SOX5: variants seen among roughly 807,000 people sequenced by gnomAD.
SOX5 encodes the protein SRY-box transcription factor 5.
Under a neutral mutation model 92.0 loss-of-function variants are expected in SOX5, and 9 were observed. The ratio of observed to expected loss-of-function variants is 0.10; its 90% CI spans 0.06 to 0.17. The LOEUF (loss-of-function observed/expected upper bound fraction) is 0.17. Ranked by LOEUF, SOX5 falls within the 10% of genes least tolerant of loss-of-function variation. The pLI is 1.00. For missense variants in SOX5, 642 were observed against 944.5 expected (o/e 0.68, Z 4.20); for synonymous variants, 344 against 336.3 (o/e 1.02, Z -0.25).
At chr12:23,577,158 C>T (rs1395482818) in intron 9 of SOX5, among the ~76,000 whole-genome samples, 3 of 89,556 alleles carry the variant, frequency 3.3e-5, no homozygotes, top group African/African-American at 1.1e-4. Context: ...TATACACACA[C>T]ACACACACAC....
intron 4 of SOX5, among the ~76,000 whole-genome samples, chr12:24,022,279 AAG>A (rs1278450055): frequency 6.6e-6 from 1 of 152,128 alleles, no homozygotes; most frequent in Non-Finnish European, 1.5e-5. Flanking sequence ...ACTTGATGAA[AAG>A]AGAGACAAAA....
chr12:24,190,161 G>A (rs1956385025), intron 4 of SOX5, among the ~76,000 whole-genome samples: 1 of 152,132 alleles, frequency 6.6e-6, no homozygotes, highest in Non-Finnish European at 1.5e-5. Flanking sequence ...AAAACACAAA[G>A]TTAAGCCTGA....
At chr12:24,268,506 G>A (rs943179539) in intron 3 of SOX5, among the ~76,000 whole-genome samples, 3 of 152,116 alleles carry the variant, frequency 2.0e-5, no homozygotes, top group African/African-American at 7.2e-5. Flanking sequence ...GAAAGACAAT[G>A]AGAAATAGAA....
chr12:23,749,235 C>A (rs894995930), intron 4 of SOX5, among the ~76,000 whole-genome samples: 5 of 151,776 alleles, frequency 3.3e-5, no homozygotes, highest in Non-Finnish European at 7.4e-5. Flanking sequence ...GCTACATATT[C>A]TTTACTGCAA....
At chr12:24,095,601 C>T (rs1232272736) in intron 4 of SOX5, among the ~76,000 whole-genome samples, 1 of 152,086 alleles carries the variant, frequency 6.6e-6, no homozygotes, top group Non-Finnish European at 1.5e-5. Flanking sequence ...AATTGTATTA[C>T]AAGATTATCA....
rs527272934 is a variant in SOX5 at position 24,503,468 on chromosome 12, C to T, written c.-251+58861G>A. ...AGGCTGAAAAATCTCACTGTAGAAC[C>T]GCCATAGTCTAAATGAACAATTATC... is the stretch of plus-strand genomic sequence containing the variant. On this transcript the variant is annotated intron_variant, in intron 1 of 4. Transcript: ENST00000446891. 1.1e-4 allele frequency among the ~76,000 whole-genome samples: 17 copies of T among 152,262 alleles called. No individual in the cohort carries two copies. The East Asian group carries it at 1.5e-3, about 14-fold the overall frequency.
At chr12:23,582,820 G>T (rs1046015572) in intron 9 of SOX5, among the ~76,000 whole-genome samples, 1 of 151,872 alleles carries the variant, frequency 6.6e-6, no homozygotes, top group Non-Finnish European at 1.5e-5. Context: ...GTGTGGTTGG[G>T]GACATGTTCT....
chr12:23,548,089 C>A (rs1299105419), intron 11 of SOX5, among the ~76,000 whole-genome samples: 1 of 152,062 alleles, frequency 6.6e-6, no homozygotes, highest in South Asian at 2.1e-4. Context: ...TTACTGTACT[C>A]TCTTTGAGGA....
chr12:24,432,615 C>T (rs569597446), intron 1 of SOX5, among the ~76,000 whole-genome samples: 39 of 152,156 alleles, frequency 2.6e-4, no homozygotes, highest in Admixed American at 3.9e-4. Flanking sequence ...AGATCGAGAC[C>T]ATCCTGGCCA....
At chr12:23,743,532 G>A (rs1174288367) in intron 4 of SOX5, among the ~76,000 whole-genome samples, 3 of 151,918 alleles carry the variant, frequency 2.0e-5, no homozygotes, top group Non-Finnish European at 4.4e-5. Flanking sequence ...GGCCGGTCTC[G>A]AACTCCTGTC....
At chr12:23,951,632 G>C (rs1445927382), upstream of SOX5, among the ~76,000 whole-genome samples, 1 of 133,970 alleles carries the variant, frequency 7.5e-6, no homozygotes, top group East Asian at 2.1e-4. Context: ...ATCATCAGGA[G>C]ATGTTCTAAA....
intron 1 of SOX5, among the ~76,000 whole-genome samples, chr12:24,545,164 C>G (rs1342385420): frequency 6.6e-6 from 1 of 152,176 alleles, no homozygotes; most frequent in Non-Finnish European, 1.5e-5. Context: ...TAAAGAGACC[C>G]CATCACCACC....
chr12:24,035,224 A>G (rs1355235239), intron 4 of SOX5, among the ~76,000 whole-genome samples: 2 of 152,222 alleles, frequency 1.3e-5, no homozygotes, highest in East Asian at 3.9e-4. Context: ...TACGATTTTA[A>G]TGGCATCTAC....
intron 4 of SOX5, among the ~76,000 whole-genome samples, chr12:24,114,890 T>C (rs974378194): frequency 6.6e-6 from 1 of 151,950 alleles, no homozygotes; most frequent in Non-Finnish European, 1.5e-5. Flanking sequence ...AAGCTATGAC[T>C]AGGCCACTGC....
At chr12:24,184,017 C>T (rs966299163) in intron 4 of SOX5, among the ~76,000 whole-genome samples, 3 of 152,106 alleles carry the variant, frequency 2.0e-5, no homozygotes, top group African/African-American at 7.2e-5. Flanking sequence ...TAATTTCATG[C>T]TATCTGTATT....
intron 4 of SOX5, among the ~76,000 whole-genome samples, chr12:24,188,520 C>A (rs953887170): frequency 6.6e-6 from 1 of 151,888 alleles, no homozygotes; most frequent in East Asian, 1.9e-4. Flanking sequence ...TGAACTGAGT[C>A]TTAAAGGGTA....
chr12:23,924,570 A>G (rs1939404671), intron 1 of SOX5, among the ~76,000 whole-genome samples: 1 of 152,136 alleles, frequency 6.6e-6, no homozygotes, highest in Non-Finnish European at 1.5e-5. Flanking sequence ...ACGGAGGAAT[A>G]TTACATTTGT....
rs1217393451 is a variant in SOX5, at chr12:23,846,111, C to T, written c.353G>A (p.Arg118Gln). Residue 118 changes from arginine (R) to glutamine (Q), a missense_variant, in exon 3 of 15, where the codon CGA (arginine) becomes CAA (glutamine). Arg to Gln is a conservative substitution (Grantham distance 43, BLOSUM62 1). Transcript: ENST00000451604. ...TSPQKAEEGG[R>Q]QSGESLSSTA... is the part of the protein sequence containing the mutation. ...ACTAGACAAGGACTCGCCACTCTGT[C>T]GCCCACCTTCTTCTGCCTTCTGAGG... is the stretch of plus-strand genomic sequence containing the variant. The T allele has an allele frequency of 6.8e-6, 11 of 1,614,112 alleles. No individual in the cohort carries two copies. Among genetic ancestry groups the T allele is most frequent in the Non-Finnish European group, 9.3e-6 (11 of 1,179,988 alleles).
intron 3 of SOX5, among the ~76,000 whole-genome samples, chr12:24,270,208 C>G (rs1422756972): frequency 6.6e-6 from 1 of 151,902 alleles, no homozygotes; most frequent in Non-Finnish European, 1.5e-5. Flanking sequence ...TTACAGGCAC[C>G]CACCATCACA....
Sources: gnomAD v4.1 joint callset for allele counts (sites outside exome capture counted in the v4.1 genomes callset) on GRCh38, gnomAD v4.1.1 for gene constraint, MANE v1.5 for transcripts, NCBI Gene and HGNC (gene_info 2026-07-23, HGNC 2026-07-21) for gene names.